The following MAP4K4 variants were observed in gnomAD, a reference collection of about 807,000 sequenced individuals.
MAP4K4 encodes the protein mitogen-activated protein kinase kinase kinase kinase 4, also known as HPK/GCK-like kinase HGK.
MAP4K4 carries 38 observed loss-of-function variants against 189.6 expected under a neutral mutation model. The ratio of observed to expected loss-of-function variants is 0.20; its 90% CI spans 0.15 to 0.26. MAP4K4 has a LOEUF of 0.26. Ranked by LOEUF, MAP4K4 falls within the 10% of genes least tolerant of loss-of-function variation. The pLI is 1.00. For missense variants in MAP4K4, 1,054 were observed against 1,726.9 expected, an observed-to-expected ratio of 0.61 and a Z score of 6.91; for synonymous variants, 610 against 624.3, an observed-to-expected ratio of 0.98 and a Z score of 0.34.
intron 2 of MAP4K4, among the ~76,000 whole-genome samples, chr2:101,777,448 T>A (rs58661052): frequency 0.24 from 37,177 of 152,096 alleles, 5,467 homozygotes; most frequent in Non-Finnish European, 0.31. Context: ...CCACCTTCGG[T>A]GCCGGCTCAT....
intron 2 of MAP4K4, among the ~76,000 whole-genome samples, chr2:101,762,815 T>A (rs1242302361): frequency 6.6e-6 from 1 of 152,088 alleles, no homozygotes; most frequent in Non-Finnish European, 1.5e-5. Context: ...GCTCTCCCTG[T>A]GTGGGTGTAA....
At chr2:101,758,158 T>A (rs940481931) in intron 2 of MAP4K4, among the ~76,000 whole-genome samples, 2 of 152,194 alleles carry the variant, frequency 1.3e-5, no homozygotes, top group African/African-American at 4.8e-5. Context: ...CCATGGAAAA[T>A]GAAACCTCGG....
At chr2:101,743,140 G>A (rs537918603) in intron 2 of MAP4K4, among the ~76,000 whole-genome samples, 1 of 152,116 alleles carries the variant, frequency 6.6e-6, no homozygotes, top group African/African-American at 2.4e-5. Context: ...GCAGAAGGTA[G>A]GTTAACCACA....
At chr2:101,744,318 A>C (rs944404810) in intron 2 of MAP4K4, among the ~76,000 whole-genome samples, 1 of 152,192 alleles carries the variant, frequency 6.6e-6, no homozygotes, top group African/African-American at 2.4e-5. Flanking sequence ...TAATTAGGCA[A>C]TTTACATTCT....
chr2:101,867,932 T>C (rs1450952505), intron 20 of MAP4K4, 97 bp from the exon 21 acceptor site: 18 of 1,191,498 alleles, frequency 1.5e-5, no homozygotes, highest in Non-Finnish European at 2.1e-5. Context: ...ATTTCTGTAC[T>C]TCTCCCTCTC....
chr2:101,793,855 C>T (rs1456541110), intron 3 of MAP4K4, among the ~76,000 whole-genome samples: 1 of 152,136 alleles, frequency 6.6e-6, no homozygotes, highest in Non-Finnish European at 1.5e-5. Flanking sequence ...GGGCCCACTT[C>T]ACTTGCTTTA....
chr2:101,779,051 G>A (rs946607969), intron 2 of MAP4K4, among the ~76,000 whole-genome samples: 3 of 152,092 alleles, frequency 2.0e-5, no homozygotes, highest in Non-Finnish European at 1.5e-5. Flanking sequence ...GCTGTATTAT[G>A]TATTAAAGTA....
At chr2:101,824,954 A>G (rs1383296001) in intron 4 of MAP4K4, among the ~76,000 whole-genome samples, 1 of 152,190 alleles carries the variant, frequency 6.6e-6, no homozygotes, top group African/African-American at 2.4e-5. Flanking sequence ...AATGTTTTTG[A>G]GGTAAAATGA....
intron 3 of MAP4K4, among the ~76,000 whole-genome samples, chr2:101,805,997 T>A (rs2094893109): frequency 6.6e-6 from 1 of 152,080 alleles, no homozygotes; most frequent in East Asian, 1.9e-4. Context: ...GGAATAAAGA[T>A]AGGGAGACAC....
intron 3 of MAP4K4, among the ~76,000 whole-genome samples, chr2:101,793,193 G>A (rs142319577): frequency 1.5e-3 from 226 of 152,318 alleles, no homozygotes; most frequent in African/African-American, 4.7e-3. Context: ...ATGAAAACCA[G>A]ATGGTGAGTC....
chr2:101,829,695 A>G, intron 6 of MAP4K4, 101 bp downstream of exon 6: 1 of 759,318 alleles, frequency 1.3e-6, no homozygotes, highest in Admixed American at 2.2e-5. Context: ...AGTCTTACCC[A>G]TGTTTTCTAT....
At chr2:101,725,479 C>T (rs982560048) in intron 2 of MAP4K4, among the ~76,000 whole-genome samples, 1 of 151,150 alleles carries the variant, frequency 6.6e-6, no homozygotes, top group Non-Finnish European at 1.5e-5. Context: ...TTTGTTTATT[C>T]TATAATCACA....
chr2:101,721,975 C>G (rs147810695), intron 2 of MAP4K4, among the ~76,000 whole-genome samples: 1 of 152,174 alleles, frequency 6.6e-6, no homozygotes, highest in Non-Finnish European at 1.5e-5. Context: ...TTCCCTAACT[C>G]CTGCTGCAGC....
At chr2:101,775,787 C>T (rs1460225469) in intron 2 of MAP4K4, among the ~76,000 whole-genome samples, 3 of 152,208 alleles carry the variant, frequency 2.0e-5, no homozygotes, top group East Asian at 3.9e-4. Context: ...GCCCCGTTCA[C>T]GCTCACGTGC....
chr2:101,865,104 TC>T (rs2097774628), intron 18 of MAP4K4, 68 bp downstream of exon 18: 1 of 971,408 alleles, frequency 1.0e-6, no homozygotes, highest in South Asian at 1.5e-5. Flanking sequence ...ATTGTCTGTT[TC>T]ATAAAAATGC....
chr2:101,797,446 C>G, intron 3 of MAP4K4: 1 of 1,236,478 alleles, frequency 8.1e-7, no homozygotes. Context: ...CCCCCTCCCT[C>G]CTTATCTTCT....
intron 2 of MAP4K4, among the ~76,000 whole-genome samples, chr2:101,758,872 G>A (rs1473441835): frequency 6.6e-6 from 1 of 152,014 alleles, no homozygotes; most frequent in Non-Finnish European, 1.5e-5. Context: ...GGTGGCTCAC[G>A]CCTGTAATCC....
chr2:101,837,387 C>T (rs999649389), intron 9 of MAP4K4, among the ~76,000 whole-genome samples: 9 of 152,062 alleles, frequency 5.9e-5, no homozygotes, highest in African/African-American at 1.7e-4. Flanking sequence ...ACACATTTCA[C>T]TGTTCTTTGC....
intron 12 of MAP4K4, among the ~76,000 whole-genome samples, chr2:101,845,212 G>A (rs914288405): frequency 4.0e-5 from 6 of 151,042 alleles, no homozygotes; most frequent in Admixed American, 3.3e-4. Context: ...GAACACACAC[G>A]CACACACGGT....
Sources: allele counts gnomAD v4.1 joint callset (sites outside exome capture counted in the v4.1 genomes callset), GRCh38; gene constraint gnomAD v4.1.1; transcripts MANE v1.5; gene names NCBI Gene and HGNC (gene_info 2026-07-23, HGNC 2026-07-21).